The following CSMD1 variants were observed in gnomAD, a reference collection of about 807,000 sequenced individuals.
CSMD1 encodes CUB and Sushi multiple domains 1, also known as CUB and sushi domain-containing protein 1.
A neutral mutation model predicts 417.5 loss-of-function variants in CSMD1; 213 were observed. That is an observed-to-expected ratio of 0.51 (90% confidence interval 0.46 to 0.57). The LOEUF (loss-of-function observed/expected upper bound fraction) is 0.57. Ranked by LOEUF, CSMD1 falls within the 20% of genes least tolerant of loss-of-function variation. The pLI, the probability that CSMD1 is intolerant of heterozygous loss-of-function variation, is 0.00. For synonymous variants in CSMD1, 2,862 were observed against 1,736.8 expected, an observed-to-expected ratio of 1.65 and a Z score of -16.11; for missense variants, 6,923 against 4,529.7, an observed-to-expected ratio of 1.53 and a Z score of -15.17.
chr8:3,639,305 TG>T (rs1797193217), intron 7 of CSMD1, among the ~76,000 whole-genome samples: 2 of 152,198 alleles, frequency 1.3e-5, no homozygotes, highest in South Asian at 4.1e-4. Context: ...TATTTTTGCT[TG>T]GGGTGTTGTT....
chr8:3,253,782 TG>T (rs781234847), intron 26 of CSMD1, among the ~76,000 whole-genome samples: 122 of 152,300 alleles, frequency 8.0e-4, no homozygotes, highest in African/African-American at 2.8e-3. Flanking sequence ...GCAGGTGAGA[TG>T]GGTTTCCTGA....
At chr8:4,441,230 C>T (rs1009371592) in intron 2 of CSMD1, among the ~76,000 whole-genome samples, 2 of 137,868 alleles carry the variant, frequency 1.5e-5, no homozygotes, top group Admixed American at 7.7e-5. Context: ...TCTTGAGTAG[C>T]TGGAACTACA....
intron 30 of CSMD1, 34 bp downstream of exon 30, chr8:3,214,460 AGTT>A: frequency 6.8e-7 from 1 of 1,467,570 alleles, no homozygotes; most frequent in Non-Finnish European, 9.1e-7. Flanking sequence ...TTTAAAGGAA[AGTT>A]GTATTTCTAG....
At chr8:4,133,695 A>G (rs964255175) in intron 3 of CSMD1, among the ~76,000 whole-genome samples, 8 of 91,686 alleles carry the variant, frequency 8.7e-5, no homozygotes, top group Admixed American at 1.5e-4. Flanking sequence ...TTTTTACACC[A>G]TAATACATAA....
At chr8:4,449,780 G>A (rs560683770) in intron 2 of CSMD1, among the ~76,000 whole-genome samples, 4 of 152,212 alleles carry the variant, frequency 2.6e-5, no homozygotes, top group East Asian at 1.9e-4. Flanking sequence ...GAGCAGCTAT[G>A]TTTGGGCATT....
intron 3 of CSMD1, among the ~76,000 whole-genome samples, chr8:4,376,269 G>T (rs190041989): frequency 1.2e-4 from 18 of 152,246 alleles, no homozygotes; most frequent in African/African-American, 3.6e-4. Flanking sequence ...TTCTCTGATG[G>T]TAAGAATGAC....
intron 3 of CSMD1, among the ~76,000 whole-genome samples, chr8:4,159,368 T>G (rs151169431): frequency 1.3e-5 from 2 of 152,218 alleles, no homozygotes; most frequent in African/African-American, 4.8e-5. Flanking sequence ...TGTGATTCAG[T>G]AATCCCACTA....
intron 12 of CSMD1, among the ~76,000 whole-genome samples, chr8:3,429,922 T>A (rs984455070): frequency 1.2e-4 from 18 of 152,186 alleles, no homozygotes; most frequent in African/African-American, 4.1e-4. Context: ...GGCCACACTG[T>A]CTATTTCTTA....
At chr8:3,927,399 G>A (rs1584980069) in intron 5 of CSMD1, among the ~76,000 whole-genome samples, 1 of 151,964 alleles carries the variant, frequency 6.6e-6, no homozygotes, top group South Asian at 2.1e-4. Flanking sequence ...AGACACAGTG[G>A]CTCCTACCTG....
intron 25 of CSMD1, among the ~76,000 whole-genome samples, chr8:3,291,753 T>G (rs542251896): frequency 1.3e-5 from 2 of 152,292 alleles, no homozygotes; most frequent in South Asian, 4.1e-4. Context: ...GTTTATCAGT[T>G]TTGTTGATCT....
chr8:4,011,364 T>A (rs1563316106), intron 4 of CSMD1, among the ~76,000 whole-genome samples: 1 of 152,220 alleles, frequency 6.6e-6, no homozygotes, highest in Non-Finnish European at 1.5e-5. Flanking sequence ...AGACTTTTCT[T>A]TTGATTCCAT....
chr8:3,406,283 A>T, intron 14 of CSMD1, 62 bp from the exon 15 acceptor site: 1 of 1,334,478 alleles, frequency 7.5e-7, no homozygotes, highest in Non-Finnish European at 1.0e-6. Flanking sequence ...ACATGTATTA[A>T]AAAAGAAGAA....
intron 1 of CSMD1, among the ~76,000 whole-genome samples, chr8:4,935,231 T>A (rs886628725): frequency 1.4e-4 from 22 of 152,310 alleles, no homozygotes; most frequent in African/African-American, 4.6e-4. Flanking sequence ...GATCCAGAGT[T>A]CTTCCTGCCC....
intron 38 of CSMD1, among the ~76,000 whole-genome samples, chr8:3,160,243 C>T (rs1454347874): frequency 6.6e-6 from 1 of 152,184 alleles, no homozygotes; most frequent in Non-Finnish European, 1.5e-5. Context: ...CCACCTCAGC[C>T]TCCCAGGTAA....
intron 3 of CSMD1, among the ~76,000 whole-genome samples, chr8:4,099,273 T>C (rs1005344589): frequency 1.9e-4 from 29 of 151,976 alleles, no homozygotes; most frequent in Admixed American, 2.0e-4. Context: ...TCTGTTACTT[T>C]CATCGCCTCT....
At chr8:4,291,995 G>C (rs550996291) in intron 3 of CSMD1, among the ~76,000 whole-genome samples, 1 of 152,162 alleles carries the variant, frequency 6.6e-6, no homozygotes, top group Non-Finnish European at 1.5e-5. Context: ...TGAGACGCCA[G>C]AGTGAGTTTG....
At chr8:4,320,529 C>T (rs1188768602) in intron 3 of CSMD1, among the ~76,000 whole-genome samples, 7 of 152,144 alleles carry the variant, frequency 4.6e-5, no homozygotes, top group Admixed American at 2.0e-4. Context: ...CCCCAACAGG[C>T]CCCAGTGGGT....
intron 2 of CSMD1, among the ~76,000 whole-genome samples, chr8:4,445,700 A>G (rs1265633475): frequency 6.6e-6 from 1 of 152,168 alleles, no homozygotes; most frequent in Non-Finnish European, 1.5e-5. Flanking sequence ...CACAACTTGG[A>G]AGGAATTTCT....
At chr8:4,971,676 G>C (rs1810248400) in intron 1 of CSMD1, among the ~76,000 whole-genome samples, 1 of 124,076 alleles carries the variant, frequency 8.1e-6, no homozygotes, top group South Asian at 3.0e-4. Context: ...ATATGACTGA[G>C]AACTATTCTG....
Sources: allele counts gnomAD v4.1 joint callset (sites outside exome capture counted in the v4.1 genomes callset), GRCh38; gene constraint gnomAD v4.1.1; transcripts MANE v1.5; gene names NCBI Gene and HGNC (gene_info 2026-07-23, HGNC 2026-07-21).